Variants in KCNQ1OT1 observed in about 807,000 individuals in gnomAD.
KCNQ1OT1 encodes the protein KCNQ1 opposite strand/antisense transcript 1.
At position 2,676,943 on chromosome 11, in the gene KCNQ1OT1, A is replaced by T. The variant is rs1007213976; in HGVS notation, n.23052T>A. 1.4e-4 allele frequency: 57 copies of T among 398,458 alleles called. No individual in the cohort carries two copies. In the East Asian group the frequency reaches 2.0e-3, roughly 14 times the overall value. The allele number at this position is 398,458 out of a possible 1,614,324, so 24.7% of individuals were successfully genotyped here. On this transcript the variant is annotated non_coding_transcript_exon_variant, in exon 1 of 1. Transcript: ENST00000597346. The surrounding 1 kb of genome is among the most constrained non-coding windows in gnomAD (Gnocchi z 4.2). ...AGACACTGGTATGTTCTGGAGATGG[A>T]TCTGTATTAAGACATCTAGCAAATC...
exon 1 of KCNQ1OT1, chr11:2,699,758 GCCGCGCTGAGGAGCCCCGAGGAGAA>G (rs1221522852): frequency 5.6e-6 from 2 of 358,774 alleles, no homozygotes; most frequent in Non-Finnish European, 9.5e-6. Flanking sequence ...CCAGAAGAGC[GCCGCGCTGAGGAGCCCCGAGGAGAA>G]CCGCGCCGAG....
rs1233922485 is a variant in KCNQ1OT1, at chr11:2,690,129, A to G, written n.9866T>C. ...CGGGGTTAGAACTGGGGGAGCAGGG[A>G]CAAAAAGCGGGCAGCCCTCCCCAGC... On this transcript the variant is annotated non_coding_transcript_exon_variant, in exon 1 of 1. Transcript: ENST00000597346. The surrounding 1 kb of genome is among the most constrained non-coding windows in gnomAD (Gnocchi z 5.1). 1.0e-5 allele frequency: 4 copies of G among 398,848 alleles called. No individual in the cohort carries two copies. The highest frequency in any genetic ancestry group is 8.2e-5 in the African/African-American group (4 of 48,642). 24.7% of individuals were successfully genotyped at this position (398,848 alleles called of 1,614,324 possible).
exon 1 of KCNQ1OT1, chr11:2,655,614 C>G (rs984957306): frequency 1.3e-5 from 5 of 398,634 alleles, no homozygotes; most frequent in African/African-American, 1.0e-4. Flanking sequence ...GGGCACAGCA[C>G]TTGCCCTCAA....
chr11:2,650,024 A>G (rs1033629080), exon 1 of KCNQ1OT1: 5 of 398,260 alleles, frequency 1.3e-5, no homozygotes, highest in African/African-American at 1.0e-4. Flanking sequence ...ATTGCAAAAC[A>G]CCTGTCTTCA....
In KCNQ1OT1 at chr11:2,642,820, G is replaced by A. The variant is rs1300884595; in HGVS notation, n.57175C>T. ...TTTATTACAATAAACTTTCCTCTTA[G>A]CATTGCTTTTGCAGTATCCCTTAAG... On this transcript the variant is annotated non_coding_transcript_exon_variant, in exon 1 of 1. Transcript: ENST00000597346. The surrounding 1 kb of genome is among the most constrained non-coding windows in gnomAD (Gnocchi z 4.3). The A allele has an allele frequency of 2.5e-6, 1 of 397,546 alleles. No homozygotes were observed. Among genetic ancestry groups the A allele is most frequent in the African/African-American group, 2.1e-5 (1 of 48,602 alleles). The allele number at this position is 397,546 out of a possible 1,614,324, so 24.6% of individuals were successfully genotyped here.
At position 2,677,671 on chromosome 11, in the gene KCNQ1OT1, A is replaced by G. The variant is rs1850317452; in HGVS notation, n.22324T>C. On this transcript the variant is annotated non_coding_transcript_exon_variant, in exon 1 of 1. Transcript: ENST00000597346. This position sits in a 1 kb window ranked among gnomAD's most constrained non-coding sequence, Gnocchi z 4.5. ...CTGTTATTGCATATGAGATAAAATA[A>G]TATTTTAACTACTGTTATTTTTCAA... The G allele has an allele frequency of 2.5e-6, 1 of 398,616 alleles. No individual in the cohort carries two copies. The highest frequency in any genetic ancestry group is 4.4e-6 in the Non-Finnish European group (1 of 226,056). The allele number at this position is 398,616 out of a possible 1,614,324, so 24.7% of individuals were successfully genotyped here.
In KCNQ1OT1 at chr11:2,613,154, T is replaced by C; in HGVS notation, n.86841A>G. ...ACCCTCTGCTGAGGGGATCTATGTG[T>C]GGGTTGGGACATTCAAAGTTCAGGC... On this transcript the variant is annotated non_coding_transcript_exon_variant, in exon 1 of 1. Coordinates refer to ENST00000597346, the Ensembl canonical transcript of KCNQ1OT1. The surrounding 1 kb of genome is among the most constrained non-coding windows in gnomAD (Gnocchi z 4.8). The C allele has an allele frequency of 5.0e-6, 2 of 398,604 alleles. 1 individual carries two copies. The highest frequency in any genetic ancestry group is 8.8e-6 in the Non-Finnish European group (2 of 226,078). The allele number at this position is 398,604 out of a possible 1,614,324, so 24.7% of individuals were successfully genotyped here.
At chr11:2,610,855 A>G (rs900216111) in exon 1 of KCNQ1OT1, 10 of 397,162 alleles carry the variant, frequency 2.5e-5, no homozygotes, top group Non-Finnish European at 4.0e-5. Context: ...GGAGGGTATT[A>G]AGCAGAGTGC....
chr11:2,669,352 A>C lies in KCNQ1OT1; in HGVS notation n.30643T>G. On this transcript the variant is annotated non_coding_transcript_exon_variant, in exon 1 of 1. Transcript: ENST00000597346. The surrounding 1 kb of genome is among the most constrained non-coding windows in gnomAD (Gnocchi z 5.6). ...TAGGCGCAGCAGCCTCTAGATGGGC[A>C]TGGGAGAATGGGTATCCTTATAGTT... is the stretch of plus-strand genomic sequence containing the variant. 2.5e-6 allele frequency: 1 copy of C among 398,640 alleles called. No individual in the cohort carries two copies. Among genetic ancestry groups the C allele is most frequent in the Non-Finnish European group, 4.4e-6 (1 of 226,074 alleles). 24.7% of individuals were successfully genotyped at this position (398,640 alleles called of 1,614,324 possible).
At chr11:2,614,310 T>C (rs1033664477) in exon 1 of KCNQ1OT1, 1 of 398,476 alleles carries the variant, frequency 2.5e-6, no homozygotes, top group Non-Finnish European at 4.4e-6. Flanking sequence ...CTTTTTCTGG[T>C]GATAATTCTG....
rs1458113475 is a variant in KCNQ1OT1, at chr11:2,669,014, G to C, written n.30981C>G. On this transcript the variant is annotated non_coding_transcript_exon_variant, in exon 1 of 1. Transcript: ENST00000597346. The surrounding 1 kb of genome is among the most constrained non-coding windows in gnomAD (Gnocchi z 5.6). ...TCAAGGTCCACTCTTCCCCTACTTGGATATCCAGTCTAGCTCAGCACCCGG... is the reference window on the plus strand; with the variant it reads ...TCAAGGTCCACTCTTCCCCTACTTGCATATCCAGTCTAGCTCAGCACCCGG... 1.0e-5 allele frequency: 4 copies of C among 398,480 alleles called. No homozygotes were observed. The highest frequency in any genetic ancestry group is 4.1e-5 in the African/African-American group (2 of 48,600). 24.7% of individuals were successfully genotyped at this position (398,480 alleles called of 1,614,324 possible).
rs765027357 is a variant in KCNQ1OT1 at position 2,653,369 on chromosome 11, A to G, written n.46626T>C. ...CTCACACCTCACCCCCAACTTTGTC[A>G]TGCACATTCCTGAAGACTCTCTTGG... is the stretch of plus-strand genomic sequence containing the variant. On this transcript the variant is annotated non_coding_transcript_exon_variant, in exon 1 of 1. Coordinates refer to ENST00000597346, the Ensembl canonical transcript of KCNQ1OT1. This position sits in a 1 kb window ranked among gnomAD's most constrained non-coding sequence, Gnocchi z 5.3. 2 of 398,740 alleles carry G rather than the reference A, an allele frequency of 5.0e-6. No individual in the cohort carries two copies. Among genetic ancestry groups the G allele is most frequent in the Admixed American group, 4.4e-5 (1 of 22,740 alleles). The allele number at this position is 398,740 out of a possible 1,614,324, so 24.7% of individuals were successfully genotyped here.
At position 2,673,220 on chromosome 11, in the gene KCNQ1OT1, G is replaced by A. The variant is rs974838615; in HGVS notation, n.26775C>T. 5.0e-6 allele frequency: 2 copies of A among 398,436 alleles called. No homozygotes were observed. Among genetic ancestry groups the A allele is most frequent in the African/African-American group, 4.1e-5 (2 of 48,480 alleles). The allele number at this position is 398,436 out of a possible 1,614,324, so 24.7% of individuals were successfully genotyped here. Reference sequence around the variant, plus strand: ...GCCGAACTGTGACTAGGCAAGCTGAGTCCCCTGTAGATTCTGGGGACTGGG... The same window carrying A: ...GCCGAACTGTGACTAGGCAAGCTGAATCCCCTGTAGATTCTGGGGACTGGG... On this transcript the variant is annotated non_coding_transcript_exon_variant, in exon 1 of 1. Transcript: ENST00000597346. This position sits in a 1 kb window ranked among gnomAD's most constrained non-coding sequence, Gnocchi z 4.5.
rs1164071679 is a variant in KCNQ1OT1 at position 2,643,760 on chromosome 11, A to AT, written n.56234dup. On this transcript the variant is annotated non_coding_transcript_exon_variant, in exon 1 of 1. Coordinates refer to ENST00000597346, the Ensembl canonical transcript of KCNQ1OT1. ...TTCTTCCTGTAAGACTCCCTTAAGC[A>AT]TTTTTTGTAGTGCCAGTGTAGTGGC... is the stretch of plus-strand genomic sequence containing the variant. The AT allele has an allele frequency of 2.0e-5, 8 of 398,402 alleles. No individual in the cohort carries two copies. The South Asian group carries it at 3.8e-4, about 19-fold the overall frequency. 24.7% of individuals were successfully genotyped at this position (398,402 alleles called of 1,614,324 possible).
In KCNQ1OT1 at chr11:2,677,506, G is replaced by A; in HGVS notation, n.22489C>T. ...ACTTCTACAAAAAATGATCCTCTCT[G>A]TGGAAGTGCTGCCAACATCCTCTGC... On this transcript the variant is annotated non_coding_transcript_exon_variant, in exon 1 of 1. Transcript: ENST00000597346. The surrounding 1 kb of genome is among the most constrained non-coding windows in gnomAD (Gnocchi z 4.5). 7.5e-6 allele frequency: 3 copies of A among 398,548 alleles called. No individual in the cohort carries two copies. Among genetic ancestry groups the A allele is most frequent in the African/African-American group, 2.1e-5 (1 of 48,718 alleles). 24.7% of individuals were successfully genotyped at this position (398,548 alleles called of 1,614,324 possible). A position where few individuals can be genotyped will look rare whatever the true frequency, so the allele number is the denominator to read the frequency against.
At position 2,652,701 on chromosome 11, in the gene KCNQ1OT1, C is replaced by G. The variant is rs982777787; in HGVS notation, n.47294G>C. On this transcript the variant is annotated non_coding_transcript_exon_variant, in exon 1 of 1. Coordinates refer to ENST00000597346, the Ensembl canonical transcript of KCNQ1OT1. The surrounding 1 kb of genome is among the most constrained non-coding windows in gnomAD (Gnocchi z 5.9). ...GTTGTGTGGGTGGCTGTGTTGCTCT[C>G]TTTCCGTTTCCTGGGCTCACTCACG... 3.5e-5 allele frequency: 14 copies of G among 398,806 alleles called. No homozygotes were observed. The highest frequency in any genetic ancestry group is 6.2e-5 in the Non-Finnish European group (14 of 226,320). 24.7% of individuals were successfully genotyped at this position (398,806 alleles called of 1,614,324 possible).
At position 2,664,057 on chromosome 11, in the gene KCNQ1OT1, C is replaced by G. The variant is rs1322517362; in HGVS notation, n.35938G>C. 4 of 398,802 alleles carry G rather than the reference C, an allele frequency of 1.0e-5. No homozygotes were observed. The highest frequency in any genetic ancestry group is 1.8e-5 in the Non-Finnish European group (4 of 226,186). The allele number at this position is 398,802 out of a possible 1,614,324, so 24.7% of individuals were successfully genotyped here. On this transcript the variant is annotated non_coding_transcript_exon_variant, in exon 1 of 1. Coordinates refer to ENST00000597346, the Ensembl canonical transcript of KCNQ1OT1. The surrounding 1 kb of genome is among the most constrained non-coding windows in gnomAD (Gnocchi z 5.1). ...CCTTTTCAGGTTGGCACTCCCATGGCCTCCAGTGATAAGTGGGCCCAGGCA... is the reference window on the plus strand; with the variant it reads ...CCTTTTCAGGTTGGCACTCCCATGGGCTCCAGTGATAAGTGGGCCCAGGCA...
exon 1 of KCNQ1OT1, chr11:2,641,532 A>G (rs1849576884): frequency 5.0e-6 from 2 of 398,404 alleles, no homozygotes; most frequent in Admixed American, 8.8e-5. Context: ...ATATTCTGGT[A>G]TTAGTACCTT....
At position 2,668,848 on chromosome 11, in the gene KCNQ1OT1, T is replaced by G; in HGVS notation, n.31147A>C. 1 of 398,640 alleles carries G rather than the reference T, an allele frequency of 2.5e-6. No homozygotes were observed. The highest frequency in any genetic ancestry group is 4.4e-6 in the Non-Finnish European group (1 of 226,074). The allele number at this position is 398,640 out of a possible 1,614,324, so 24.7% of individuals were successfully genotyped here. On this transcript the variant is annotated non_coding_transcript_exon_variant, in exon 1 of 1. Coordinates refer to ENST00000597346, the Ensembl canonical transcript of KCNQ1OT1. The surrounding 1 kb of genome is among the most constrained non-coding windows in gnomAD (Gnocchi z 4.3). ...ACATTTCCTCTCTGGATAGGGCTGT[T>G]TGTGTCCTATTTAAGAAACTTTGAC...
Sources: gnomAD v4.1 joint callset for allele counts on GRCh38, gnomAD v4.1.1 for gene constraint, Gnocchi (gnomAD v3.1) non-coding constraint, MANE v1.5 for transcripts, NCBI Gene and HGNC (gene_info 2026-07-23, HGNC 2026-07-21) for gene names.